ABAT: variants seen among roughly 807,000 people sequenced by gnomAD.
ABAT encodes the protein 4-aminobutyrate aminotransferase, mitochondrial.
ABAT carries 45 observed loss-of-function variants against 64.6 expected under a neutral mutation model. The ratio of observed to expected loss-of-function variants is 0.70; its 90% CI spans 0.55 to 0.89. ABAT has a LOEUF of 0.89. ABAT is among the 40% of genes least tolerant of loss of function. The probability of loss-of-function intolerance (pLI) is 0.00; values close to 1 mark genes in which losing one functional copy is unlikely to be tolerated. For missense variants in ABAT, 633 were observed against 658.4 expected (o/e 0.96, Z 0.42); for synonymous variants, 297 against 250.5 (o/e 1.19, Z -1.75).
At chr16:8,715,579 G>T (rs1201009846) in intron 1 of ABAT, 2 of 143,274 alleles carry the variant, frequency 1.4e-5, no homozygotes, top group African/African-American at 2.6e-5. Context: ...TGAGCCATGA[G>T]CCATGATCAT....
chr16:8,718,303 T>C (rs1298702582), intron 1 of ABAT, among the ~76,000 whole-genome samples: 1 of 152,222 alleles, frequency 6.6e-6, no homozygotes, highest in African/African-American at 2.4e-5. Flanking sequence ...TCTTACTCTT[T>C]ATGAATAAAG....
intron 1 of ABAT, among the ~76,000 whole-genome samples, chr16:8,734,653 CAG>C (rs1415071815): frequency 6.6e-6 from 1 of 152,138 alleles, no homozygotes; most frequent in African/African-American, 2.4e-5. Flanking sequence ...ACTCGGGAAA[CAG>C]GGTCCATGAA....
rs1274482229 is a variant in ABAT, at chr16:8,710,684, GAGAGAGAGAC to G, written c.-41-25005_-41-24996del. On this transcript the variant is annotated intron_variant, in intron 1 of 15. Transcript: ENST00000268251. Reference sequence around the variant, plus strand: ...GAGTCCAGGAGGTTAAGGCTGCACTGAGAGAGAGACAGAGAGAGAGAGAGAGAGAGAGAGA... The same window carrying G: ...GAGTCCAGGAGGTTAAGGCTGCACTGAGAGAGAGAGAGAGAGAGAGAGAGA... Among the ~76,000 whole-genome samples, 640 of 79,500 alleles carry G rather than the reference GAGAGAGAGAC, an allele frequency of 8.1e-3. 16 individuals carry two copies. The highest frequency in any genetic ancestry group is 0.027 in the African/African-American group (603 of 21,938). 52.2% of individuals were successfully genotyped at this position (79,500 alleles called of 152,430 possible).
Position 8,764,962 on chromosome 16 carries a change from G to C in ABAT, c.540+132G>C. On this transcript the variant is annotated intron_variant, in intron 8 of 15. Transcript: ENST00000268251. The surrounding 1 kb of genome is among the most constrained non-coding windows in gnomAD (Gnocchi z 4.2). ...ATCAGTACCAGGGTTAAAATACAGG[G>C]AGGGCCACTGCTGGATGGTACTTTG... 1.2e-6 allele frequency: 1 copy of C among 842,338 alleles called. No homozygotes were observed. Among genetic ancestry groups the C allele is most frequent in the Non-Finnish European group, 2.0e-6 (1 of 510,328 alleles). 52.2% of individuals were successfully genotyped at this position (842,338 alleles called of 1,614,324 possible). A position where few individuals can be genotyped will look rare whatever the true frequency, so the allele number is the denominator to read the frequency against.
intron 1 of ABAT, chr16:8,715,244 TCCA>T (rs1017451386): frequency 1.3e-5 from 2 of 152,152 alleles, no homozygotes; most frequent in African/African-American, 4.8e-5. Context: ...GAGAAATGGT[TCCA>T]GGTTAAAAGA....
chr16:8,763,862 AC>A (rs1481358547), intron 6 of ABAT, among the ~76,000 whole-genome samples: 1 of 152,206 alleles, frequency 6.6e-6, no homozygotes, highest in African/African-American at 2.4e-5. Context: ...CAGGACACTG[AC>A]CCTTTTTTAA....
chr16:8,737,543 A>G (rs1378499633), intron 2 of ABAT: 1 of 152,114 alleles, frequency 6.6e-6, no homozygotes, highest in African/African-American at 2.4e-5. Flanking sequence ...GAAGTTACAA[A>G]GATATTACAG....
rs995789450 is a variant in ABAT at position 8,718,296 on chromosome 16, T to C, written c.-41-17403T>C. Among the ~76,000 whole-genome samples, 60 of 152,202 alleles carry C rather than the reference T, an allele frequency of 3.9e-4. 1 individual carries two copies. Among genetic ancestry groups the C allele is most frequent in the African/African-American group, 1.4e-3 (57 of 41,448 alleles). On this transcript the variant is annotated intron_variant, in intron 1 of 15. Coordinates refer to ENST00000268251, the MANE Select transcript of ABAT (RefSeq NM_020686.6). ...CATTTATGGGAAAGAAAAGAAATCT[T>C]ACTCTTTATGAATAAAGTACAGATA... is the stretch of plus-strand genomic sequence containing the variant.
At chr16:8,719,189 A>G (rs2058295940) in intron 1 of ABAT, among the ~76,000 whole-genome samples, 1 of 152,134 alleles carries the variant, frequency 6.6e-6, no homozygotes. Context: ...AGGTGTGCAG[A>G]AAGCATTTAT....
At chr16:8,723,094 G>A (rs139573157) in intron 1 of ABAT, among the ~76,000 whole-genome samples, 33 of 152,190 alleles carry the variant, frequency 2.2e-4, no homozygotes, top group Middle Eastern at 3.4e-3. Context: ...TTAGCCAGGT[G>A]TGGTGGCGTG....
rs1204764929 is a variant in ABAT at position 8,769,870 on chromosome 16, CAAAT to C, written c.816+900_816+903del. Among the ~76,000 whole-genome samples, 16 of 152,232 alleles carry C rather than the reference CAAAT, an allele frequency of 1.1e-4. 1 individual carries two copies. The East Asian group carries it at 3.1e-3, about 29-fold the overall frequency. On this transcript the variant is annotated intron_variant, in intron 11 of 15. Transcript: ENST00000268251. ...CACTGTTTGGGTATAGATTTGAACT[CAAAT>C]AAGGCTGCTGGTTTTTTTCTTAGGC...
chr16:8,730,537 T>C (rs527486119), intron 1 of ABAT, among the ~76,000 whole-genome samples: 2 of 152,200 alleles, frequency 1.3e-5, no homozygotes, highest in East Asian at 3.9e-4. Context: ...GATACAGGCC[T>C]CCCCTCCAGC....
At chr16:8,720,998 T>C (rs922876695) in intron 1 of ABAT, 5 of 152,228 alleles carry the variant, frequency 3.3e-5, no homozygotes, top group Non-Finnish European at 7.3e-5. Context: ...AATGATTGTT[T>C]GCAGGCAGGC....
chr16:8,735,812 A>G lies in ABAT; in HGVS notation c.70+3A>G, dbSNP rs1267446217. Reference sequence around the variant, plus strand: ...CAGCTACCGCCTGCTGGTGCCTGGTAAGCCCCGGGGGTCTTGATAAGAACT... The same window carrying G: ...CAGCTACCGCCTGCTGGTGCCTGGTGAGCCCCGGGGGTCTTGATAAGAACT... On this transcript the variant is annotated splice_donor_region_variant and intron_variant, in intron 2 of 15. Transcript: ENST00000268251. The G allele has an allele frequency of 1.2e-6, 2 of 1,600,468 alleles. No individual in the cohort carries two copies. The highest frequency in any genetic ancestry group is 1.7e-6 in the Non-Finnish European group (2 of 1,173,708).
At chr16:8,677,700 G>A (rs575803833) in intron 1 of ABAT, among the ~76,000 whole-genome samples, 2 of 152,286 alleles carry the variant, frequency 1.3e-5, no homozygotes, top group South Asian at 4.1e-4. Flanking sequence ...AATGTCTGCA[G>A]ACATTGCCAG....
intron 1 of ABAT, among the ~76,000 whole-genome samples, chr16:8,725,468 T>C (rs928504330): frequency 6.6e-6 from 1 of 152,250 alleles, no homozygotes; most frequent in African/African-American, 2.4e-5. Flanking sequence ...TCGTAGACTA[T>C]GGGGCATTTT....
intron 4 of ABAT, among the ~76,000 whole-genome samples, chr16:8,750,148 C>T (rs1044221325): frequency 2.0e-5 from 3 of 152,168 alleles, no homozygotes; most frequent in South Asian, 2.1e-4. Flanking sequence ...TTAACAGAAT[C>T]GACTTCAGAT....
intron 1 of ABAT, among the ~76,000 whole-genome samples, chr16:8,680,341 C>A (rs2057302639): frequency 6.6e-6 from 1 of 152,220 alleles, no homozygotes; most frequent in South Asian, 2.1e-4. Context: ...ATTCAAGGAG[C>A]ATTGACTGAA....
In ABAT at chr16:8,777,210, T is replaced by C. The variant is rs12598010; in HGVS notation, c.1269+720T>C. Among the ~76,000 whole-genome samples the C allele has an allele frequency of 1.5e-4, 23 of 152,248 alleles. No individual in the cohort carries two copies. The East Asian group carries it at 2.5e-3, about 17-fold the overall frequency. The stretch of plus-strand genomic sequence containing the variant: ...GGGCCACCGTGCCCGGCCCTGGTTA[T>C]CTTTTGACACCAATTTCAGACATCC... On this transcript the variant is annotated intron_variant, in intron 14 of 15. Coordinates refer to ENST00000268251, the MANE Select transcript of ABAT (RefSeq NM_020686.6).
Sources: allele counts gnomAD v4.1 joint callset (sites outside exome capture counted in the v4.1 genomes callset), GRCh38; gene constraint gnomAD v4.1.1; non-coding constraint Gnocchi (gnomAD v3.1); transcripts MANE v1.5; gene names NCBI Gene and HGNC (gene_info 2026-07-23, HGNC 2026-07-21).